Variants in CACNA1F observed in about 807,000 individuals in gnomAD.
CACNA1F encodes the protein calcium voltage-gated channel subunit alpha1 F.
CACNA1F carries 59 observed loss-of-function variants against 143.8 expected under a neutral mutation model. The ratio of observed to expected loss-of-function variants is 0.41; its 90% CI spans 0.33 to 0.51. The LOEUF is 0.51. Ranked by LOEUF, CACNA1F falls within the 20% of genes least tolerant of loss-of-function variation. The probability of loss-of-function intolerance (pLI) is 0.22; values close to 1 mark genes in which losing one functional copy is unlikely to be tolerated. For missense variants in CACNA1F, 1,411 were observed against 1,647.5 expected (o/e 0.86, Z 2.48); for synonymous variants, 643 against 649.1 (o/e 0.99, Z 0.14).
In CACNA1F at chrX:49,217,967, G is replaced by C. The variant is rs782088470; in HGVS notation, c.2967C>G (p.Ile989Met). The C allele has an allele frequency of 1.7e-6, 2 of 1,208,291 alleles. No homozygotes were observed. The highest frequency in any genetic ancestry group is 3.5e-5 in the South Asian group (2 of 56,724). Residue 989 changes from isoleucine to methionine, a missense_variant, in exon 25 of 48, where the codon ATC (isoleucine) becomes ATG (methionine). Physicochemically the swap from Ile to Met is conservative, Grantham distance 10. Transcript: ENST00000323022. ...VQCVFVAIRT[I>M]GNIMIVTTLL... Reference sequence around the variant, plus strand: ...GTGTGGTGACAATCATGATGTTTCCGATGGTCCGGATGGCCACAAATACAC... The same window carrying C: ...GTGTGGTGACAATCATGATGTTTCCCATGGTCCGGATGGCCACAAATACAC...
rs138139555 is a variant in CACNA1F, at chrX:49,225,120, T to G, written c.1652-134A>C. The G allele has an allele frequency of 3.5e-3, 1,809 of 517,836 alleles. 29 individuals carry two copies. In the African/African-American group the frequency reaches 0.037, roughly 11 times the overall value. 42.7% of individuals were successfully genotyped at this position (517,836 alleles called of 1,213,427 possible). On this transcript the variant is annotated intron_variant, in intron 13 of 47. Coordinates refer to ENST00000323022, the MANE Select transcript of CACNA1F (RefSeq NM_001256789.3). ...TGCTGGCTGAGGGAAGGCTTAGGGCTAGGGATTGGGGTGAGTTTGTAGGTC... is the reference window on the plus strand; with the variant it reads ...TGCTGGCTGAGGGAAGGCTTAGGGCGAGGGATTGGGGTGAGTTTGTAGGTC...
At chrX:49,205,480 G>T in intron 47 of CACNA1F, 113 bp from the exon 48 acceptor site, 2 of 819,512 alleles carry the variant, frequency 2.4e-6, no homozygotes, top group Non-Finnish European at 3.6e-6. Flanking sequence ...GGGGGACAGG[G>T]GTGAGCAGAG....
chrX:49,209,182 G>C lies in CACNA1F; in HGVS notation c.4953+80C>G, dbSNP rs1244250933. Reference sequence around the variant, plus strand: ...GCTTCTCTGGGGGAGCTTCTTCCCAGAAGCAGTGTCAAAATCACTCAGGGG... The same window carrying C: ...GCTTCTCTGGGGGAGCTTCTTCCCACAAGCAGTGTCAAAATCACTCAGGGG... On this transcript the variant is annotated intron_variant, in intron 42 of 47. Transcript: ENST00000323022. 6 of 1,148,392 alleles carry C rather than the reference G, an allele frequency of 5.2e-6. No individual in the cohort carries two copies. In the African/African-American group the frequency reaches 7.1e-5, roughly 14 times the overall value. 94.6% of individuals were successfully genotyped at this position (1,148,392 alleles called of 1,213,427 possible).
At chrX:49,209,194 A>G in intron 42 of CACNA1F, 68 bp downstream of exon 42, 1 of 1,181,779 alleles carries the variant, frequency 8.5e-7, no homozygotes, top group Non-Finnish European at 1.1e-6. Context: ...AGCAGTGTCA[A>G]AATCACTCAG....
At chrX:49,216,272 C>A (rs1557107347) in intron 27 of CACNA1F, 110 bp downstream of exon 27, 1 of 834,409 alleles carries the variant, frequency 1.2e-6, no homozygotes. Context: ...TCTCGAGAGA[C>A]CTTCGTCACA....
In CACNA1F at chrX:49,231,001, A is replaced by G; in HGVS notation, c.382-12T>C. 6 of 626,304 alleles carry G rather than the reference A, an allele frequency of 9.6e-6. No individual in the cohort carries two copies. Among genetic ancestry groups the G allele is most frequent in the Non-Finnish European group, 1.2e-5 (5 of 406,937 alleles). 51.6% of individuals were successfully genotyped at this position (626,304 alleles called of 1,213,427 possible). On this transcript the variant is annotated splice_polypyrimidine_tract_variant and intron_variant, in intron 3 of 47. Transcript: ENST00000323022. ...TACTCCACCTGCTCCTGGGGGTGGG[A>G]CCGGGGGGCGGGTCGGGAAGTCGAG...
chrX:49,212,977 G>A lies in CACNA1F; in HGVS notation c.3810C>T (p.Gly1270=), dbSNP rs782238512. 5.8e-6 allele frequency: 7 copies of A among 1,203,184 alleles called. No homozygotes were observed. The highest frequency in any genetic ancestry group is 3.5e-5 in the African/African-American group (2 of 57,549). The change falls in exon 32 of 48, where the codon GGC becomes GGT. Residue 1270 remains glycine (G), a synonymous_variant. Transcript: ENST00000323022. ...CCCTGTTATTAGGGTGGGCTACCTC[G>A]CCAAGGTGGCCACCATTCTGGAGGG... is the stretch of plus-strand genomic sequence containing the variant. The part of the protein sequence containing the change: ...VTEVNNGGHL[G]ESSEDSSRIS...
intron 6 of CACNA1F, among the ~76,000 whole-genome samples, chrX:49,228,819 G>C (rs782064496): frequency 1.8e-5 from 2 of 112,174 alleles, no homozygotes; most frequent in African/African-American, 6.5e-5. Flanking sequence ...CGCCCGCCTC[G>C]GCCTCCCAAA....
chrX:49,218,438 G>A lies in CACNA1F; in HGVS notation c.2928+17C>T. 8.7e-7 allele frequency: 1 copy of A among 1,155,926 alleles called. No individual in the cohort carries two copies. The highest frequency in any genetic ancestry group is 2.5e-5 in the Admixed American group (1 of 39,355). ...GGCAGGGCCTGGGTCCTGTGGGTTTGGGTGGGGTGGGGTTACCTTGAGTCC... is the reference window on the plus strand; with the variant it reads ...GGCAGGGCCTGGGTCCTGTGGGTTTAGGTGGGGTGGGGTTACCTTGAGTCC... On this transcript the variant is annotated intron_variant, in intron 24 of 47. Transcript: ENST00000323022.
chrX:49,208,544 A>G lies in CACNA1F; in HGVS notation c.5094T>C (p.Ser1698=). ...GGGTGTTGGATCCAGCCTGGGGCAC[A>G]CTGGGCTGACTGGAGGTGGGAGTCC... ...DRGTPTSSQP[S]VPQAGSNTHR... The change falls in exon 43 of 48, where the codon AGT becomes AGC. Residue 1698 remains serine, a synonymous_variant. Coordinates refer to ENST00000323022, the MANE Select transcript of CACNA1F (RefSeq NM_001256789.3). The G allele has an allele frequency of 8.3e-7, 1 of 1,209,383 alleles. No individual in the cohort carries two copies. Among genetic ancestry groups the G allele is most frequent in the Non-Finnish European group, 1.1e-6 (1 of 894,366 alleles).
In CACNA1F at chrX:49,218,474, T is replaced by C; in HGVS notation, c.2909A>G (p.Asn970Ser). Residue 970 changes from asparagine (N) to serine (S), a missense_variant, in exon 24 of 48, where the codon AAC becomes AGC. Physicochemically the swap from Asn to Ser is conservative, Grantham distance 46. Coordinates refer to ENST00000323022, the MANE Select transcript of CACNA1F (RefSeq NM_001256789.3). ...LRVLRPLRAI[N>S]RAKGLKHVVQ... ...GGTTACCTTGAGTCCCTTGGCCCTGTTGATGGCTCGGAGGGGCCGCAGTAC... is the reference window on the plus strand; with the variant it reads ...GGTTACCTTGAGTCCCTTGGCCCTGCTGATGGCTCGGAGGGGCCGCAGTAC... 8.5e-7 allele frequency: 1 copy of C among 1,182,003 alleles called. No individual in the cohort carries two copies. Among genetic ancestry groups the C allele is most frequent in the Non-Finnish European group, 1.1e-6 (1 of 880,616 alleles).
Position 49,222,800 on chromosome X carries a change from A to T in CACNA1F, c.2124T>A (p.Asp708Glu). ...TGEDWNVVMYDGIMAYGGPFF... is the reference protein window; with the variant it reads ...TGEDWNVVMYEGIMAYGGPFF... ...AGGGGCCACCATATGCCATGATACC[A>T]TCATACATGACCACGTTCCAGTCCT... Residue 708 changes from aspartate (D) to glutamate (E), a missense_variant, in exon 16 of 48, where the codon GAT (aspartate) becomes GAA (glutamate). Asp to Glu is a conservative substitution (Grantham distance 45). Coordinates refer to ENST00000323022, the MANE Select transcript of CACNA1F (RefSeq NM_001256789.3). 1 of 1,210,612 alleles carries T rather than the reference A, an allele frequency of 8.3e-7. No homozygotes were observed. Among genetic ancestry groups the T allele is most frequent in the Non-Finnish European group, 1.1e-6 (1 of 894,803 alleles).
chrX:49,222,574 C>T lies in CACNA1F; in HGVS notation c.2236G>A (p.Ala746Thr). 1 of 1,211,051 alleles carries T rather than the reference C, an allele frequency of 8.3e-7. No individual in the cohort carries two copies. The highest frequency in any genetic ancestry group is 1.1e-6 in the Non-Finnish European group (1 of 895,143). The change falls in exon 17 of 48, where the codon GCT becomes ACT. Residue 746 changes from alanine (A) to threonine (T), a missense_variant. Ala to Thr is a moderately conservative substitution (Grantham distance 58). Coordinates refer to ENST00000323022, the MANE Select transcript of CACNA1F (RefSeq NM_001256789.3). Reference protein sequence around the residue: ...YILLNVFLAIAVDNLASGDAG... With the variant: ...YILLNVFLAITVDNLASGDAG... ...TCTCCACTGGCCAGGTTGTCCACAG[C>T]AATGGCAAGAAACACGTTCAACAGG...
intron 15 of CACNA1F, 39 bp downstream of exon 15, chrX:49,222,890 T>C: frequency 8.3e-7 from 1 of 1,208,471 alleles, no homozygotes; most frequent in Non-Finnish European, 1.1e-6. Context: ...AACTCCAGGG[T>C]CTCCCCGACC....
At position 49,209,949 on chromosome X, in the gene CACNA1F, G is replaced by C. The variant is rs374468777; in HGVS notation, c.4682C>G (p.Pro1561Arg). The C allele has an allele frequency of 4.2e-6, 5 of 1,196,462 alleles. No homozygotes were observed. Among genetic ancestry groups the C allele is most frequent in the Non-Finnish European group, 5.7e-6 (5 of 881,427 alleles). ...KQKLLDEVIP[P>R]PDEEEVTVGK... ...GGGCGGGGATAGCTCACCGTCTGGT[G>C]GGGGGATGACCTCATCTAGCAGCTT... Residue 1561 changes from proline (P) to arginine (R), a missense_variant, in exon 40 of 48, where the codon CCA (proline) becomes CGA (arginine). Pro to Arg is a moderately radical substitution (Grantham distance 103). This residue lies in a region of CACNA1F where 349 missense variants were observed against 350.2 expected (regional missense o/e 1.00). Transcript: ENST00000323022.
chrX:49,208,825 A>G (rs2065626104), intron 42 of CACNA1F, 141 bp from the exon 43 acceptor site: 1 of 510,936 alleles, frequency 2.0e-6, no homozygotes, highest in African/African-American at 2.3e-5. Context: ...ATAAATACGT[A>G]AATAAATAAA....
Position 49,230,387 on chromosome X carries a change from G to C in CACNA1F, c.665-15C>G, listed in dbSNP as rs2147924176. The C allele has an allele frequency of 8.3e-7, 1 of 1,209,738 alleles. No individual in the cohort carries two copies. The highest frequency in any genetic ancestry group is 1.1e-6 in the Non-Finnish European group (1 of 894,263). On this transcript the variant is annotated splice_polypyrimidine_tract_variant and intron_variant, in intron 5 of 47. Coordinates refer to ENST00000323022, the MANE Select transcript of CACNA1F (RefSeq NM_001256789.3). Reference sequence around the variant, plus strand: ...TATGTGCAGGCCTGCGGGGAGGGAGGGGGAGGCAGAAATAAGGGCGGGGTC... The same window carrying C: ...TATGTGCAGGCCTGCGGGGAGGGAGCGGGAGGCAGAAATAAGGGCGGGGTC...
chrX:49,215,475 A>C lies in CACNA1F; in HGVS notation c.3305T>G (p.Ile1102Ser). ...HGPIYNYRVE[I>S]SVFFIVYIII... ...GATGTAGACAATGAAGAACACTGAG[A>C]TCTCCACACGGTAATTATAGATGGG... The change falls in exon 28 of 48, where the codon ATC becomes AGC. Residue 1102 changes from isoleucine (I) to serine (S), a missense_variant. Ile to Ser is a moderately radical substitution (Grantham distance 142). Coordinates refer to ENST00000323022, the MANE Select transcript of CACNA1F (RefSeq NM_001256789.3). The C allele has an allele frequency of 1.7e-6, 2 of 1,205,566 alleles. No individual in the cohort carries two copies. The highest frequency in any genetic ancestry group is 2.2e-6 in the Non-Finnish European group (2 of 891,219).
Position 49,221,030 on chromosome X carries a change from C to T in CACNA1F, c.2334+5G>A. The T allele has an allele frequency of 1.7e-6, 2 of 1,204,029 alleles. No individual in the cohort carries two copies. Among genetic ancestry groups the T allele is most frequent in the Non-Finnish European group, 2.3e-6 (2 of 888,191 alleles). ...GTGTAGACAGTGCCCAGGCATCTAA[C>T]TCACCAGGCCTTCATTCTCCTGTGG... On this transcript the variant is annotated splice_donor_5th_base_variant and intron_variant, in intron 18 of 47. Coordinates refer to ENST00000323022, the MANE Select transcript of CACNA1F (RefSeq NM_001256789.3).
Sources: gnomAD v4.1 joint callset for allele counts (sites outside exome capture counted in the v4.1 genomes callset) on GRCh38, gnomAD v4.1.1 for gene constraint, gnomAD v4.1.1 regional missense constraint, MANE v1.5 for transcripts, NCBI Gene and HGNC (gene_info 2026-07-23, HGNC 2026-07-21) for gene names.